Variants in NUMB observed in about 807,000 individuals in gnomAD.
NUMB encodes protein numb homolog.
In NUMB, 29 loss-of-function variants were observed where a neutral mutation model predicts 59.7. The observed-to-expected ratio is 0.49, with a 90% CI of 0.36 to 0.66. The LOEUF (loss-of-function observed/expected upper bound fraction) is 0.66. NUMB is among the 30% of genes least tolerant of loss of function. The pLI is 0.00. For missense variants in NUMB, 723 were observed against 822.0 expected (o/e 0.88, Z 1.47); for synonymous variants, 288 against 288.2 (o/e 1.00, Z 0.01).
chr14:73,308,026 C>T (rs538117689), intron 6 of NUMB, among the ~76,000 whole-genome samples: 35 of 152,176 alleles, frequency 2.3e-4, no homozygotes, highest in Non-Finnish European at 4.7e-4. Flanking sequence ...AGCCACCGCG[C>T]CCGGCCGGGC....
intron 2 of NUMB, among the ~76,000 whole-genome samples, chr14:73,394,705 C>T (rs1219489669): frequency 6.6e-6 from 1 of 152,200 alleles, no homozygotes; most frequent in Non-Finnish European, 1.5e-5. Flanking sequence ...TCCCTAGATC[C>T]TGGCAACCAT....
intron 7 of NUMB, among the ~76,000 whole-genome samples, chr14:73,293,607 G>A (rs941135450): frequency 6.6e-6 from 1 of 151,954 alleles, no homozygotes; most frequent in Non-Finnish European, 1.5e-5. Context: ...TAGCCAGGAC[G>A]GTCTCAATCT....
In NUMB at chr14:73,377,948, G is replaced by GAT. The variant is rs559674020; in HGVS notation, c.-100-10969_-100-10968dup. Among the ~76,000 whole-genome samples the GAT allele has an allele frequency of 1.4e-3, 217 of 151,054 alleles. 2 individuals are homozygous for GAT. Among genetic ancestry groups the GAT allele is most frequent in the African/African-American group, 5.1e-3 (210 of 41,120 alleles). ...CGCCACTGCCACCAGCCTGGAGATA[G>GAT]ATATATATACACACACATGCATACA... On this transcript the variant is annotated intron_variant, in intron 2 of 12. Transcript: ENST00000555238.
At chr14:73,438,961 T>G (rs1309034031) in intron 1 of NUMB, among the ~76,000 whole-genome samples, 1 of 152,198 alleles carries the variant, frequency 6.6e-6, no homozygotes, top group Non-Finnish European at 1.5e-5. Flanking sequence ...ATTAGCATTA[T>G]TTCAGATATG....
Position 73,276,704 on chromosome 14 carries a change from G to A in NUMB, c.1830C>T (p.Thr610=). The A allele has an allele frequency of 6.2e-7, 1 of 1,614,222 alleles. No individual in the cohort carries two copies. Among genetic ancestry groups the A allele is most frequent in the South Asian group, 1.1e-5 (1 of 91,082 alleles). Residue 610 remains threonine, a synonymous_variant, in exon 13 of 13, where the codon ACC becomes ACT. Coordinates refer to ENST00000555238, the MANE Select transcript of NUMB (RefSeq NM_001005743.2). Reference sequence around the variant, plus strand: ...GGGCTTCAAAAGGATCCACTGGGCAGGTGCCTGTAGGAACCTCTGTATGCC... The same window carrying A: ...GGGCTTCAAAAGGATCCACTGGGCAAGTGCCTGTAGGAACCTCTGTATGCC... The part of the protein sequence containing the change: ...ADRHTEVPTG[T]CPVDPFEAQW...
intron 1 of NUMB, among the ~76,000 whole-genome samples, chr14:73,413,321 G>A (rs557836552): frequency 6.6e-6 from 1 of 150,732 alleles, no homozygotes; most frequent in East Asian, 2.0e-4. Flanking sequence ...TTCTGACCTC[G>A]TGATCCACCC....
intron 6 of NUMB, among the ~76,000 whole-genome samples, chr14:73,311,246 G>T (rs553551622): frequency 6.6e-6 from 1 of 152,096 alleles, no homozygotes; most frequent in South Asian, 2.1e-4. Context: ...AGTAGAGACG[G>T]GGTTTCACCA....
intron 1 of NUMB, among the ~76,000 whole-genome samples, chr14:73,423,460 G>A (rs988190450): frequency 4.6e-5 from 7 of 152,008 alleles, no homozygotes; most frequent in African/African-American, 1.7e-4. Flanking sequence ...CACCAACATG[G>A]CAAAAGCCCA....
At chr14:73,303,031 A>T (rs1205310043) in intron 6 of NUMB, among the ~76,000 whole-genome samples, 2 of 152,078 alleles carry the variant, frequency 1.3e-5, no homozygotes, top group African/African-American at 2.4e-5. Context: ...CAACCTCACG[A>T]ACATGGCGAA....
chr14:73,334,890 A>G (rs1892208035), intron 4 of NUMB, among the ~76,000 whole-genome samples: 1 of 151,406 alleles, frequency 6.6e-6, no homozygotes, highest in Non-Finnish European at 1.5e-5. Flanking sequence ...CGGAGGTTGC[A>G]GTAAGCTGAA....
intron 1 of NUMB, among the ~76,000 whole-genome samples, chr14:73,428,646 C>T (rs113919809): frequency 0.025 from 3,747 of 152,056 alleles, 84 homozygotes; most frequent in Non-Finnish European, 0.036. Context: ...TAAAAATTAG[C>T]CAGGTATGGT....
chr14:73,395,408 A>G (rs1205966840), intron 2 of NUMB, among the ~76,000 whole-genome samples: 2 of 151,616 alleles, frequency 1.3e-5, no homozygotes, highest in East Asian at 3.9e-4. Context: ...AGACTGGTTG[A>G]GCCCAGGAGT....
At chr14:73,405,039 G>A (rs1468943384) in intron 2 of NUMB, among the ~76,000 whole-genome samples, 2 of 152,094 alleles carry the variant, frequency 1.3e-5, no homozygotes, top group Non-Finnish European at 2.9e-5. Context: ...GATTACAGGC[G>A]TGAGAAAATT....
intron 4 of NUMB, among the ~76,000 whole-genome samples, chr14:73,350,074 T>TATACAC (rs1893148890): frequency 7.6e-6 from 1 of 131,060 alleles, no homozygotes; most frequent in Non-Finnish European, 1.6e-5. Context: ...CATACATACA[T>TATACAC]ACATACACAC....
At chr14:73,398,145 G>A (rs1015296463) in intron 2 of NUMB, among the ~76,000 whole-genome samples, 2 of 152,048 alleles carry the variant, frequency 1.3e-5, no homozygotes, top group Non-Finnish European at 2.9e-5. Flanking sequence ...AAAAATGTAG[G>A]TCTGATTAAC....
intron 1 of NUMB, among the ~76,000 whole-genome samples, chr14:73,439,267 T>C (rs1157042892): frequency 1.3e-5 from 2 of 152,124 alleles, no homozygotes; most frequent in Non-Finnish European, 2.9e-5. Flanking sequence ...ACTCTACAAA[T>C]AGAGATGAGA....
intron 1 of NUMB, 37 bp from the exon 2 acceptor site, chr14:73,410,105 T>C (rs146705654): frequency 1.3e-5 from 2 of 152,354 alleles, no homozygotes; most frequent in East Asian, 3.9e-4. Flanking sequence ...TAAATATACA[T>C]ATCTCCTTTC....
intron 1 of NUMB, among the ~76,000 whole-genome samples, chr14:73,433,176 C>CT: frequency 6.6e-6 from 1 of 151,578 alleles, no homozygotes; most frequent in Admixed American, 6.6e-5. Context: ...CAAGCCAGCA[C>CT]TTTGGGAGGC....
At chr14:73,359,531 CA>C (rs1178221668) in intron 3 of NUMB, among the ~76,000 whole-genome samples, 4 of 152,068 alleles carry the variant, frequency 2.6e-5, no homozygotes, top group African/African-American at 9.7e-5. Flanking sequence ...ATTGATTTAG[CA>C]AGGAACATCT....
Sources: allele counts gnomAD v4.1 joint callset (sites outside exome capture counted in the v4.1 genomes callset), GRCh38; gene constraint gnomAD v4.1.1; transcripts MANE v1.5; gene names NCBI Gene and HGNC (gene_info 2026-07-23, HGNC 2026-07-21).